PTPRG: variants seen among roughly 807,000 people sequenced by gnomAD.
The protein encoded by PTPRG is protein tyrosine phosphatase receptor type G.
In PTPRG, 102 loss-of-function variants were observed where a neutral mutation model predicts 165.3. That is an observed-to-expected ratio of 0.62 (90% CI 0.53 to 0.73). The LOEUF (loss-of-function observed/expected upper bound fraction) is 0.73, where lower values mean the gene tolerates loss of function less well. PTPRG is among the 30% of genes least tolerant of loss of function. The probability of loss-of-function intolerance (pLI) is 0.00; values close to 1 mark genes in which losing one functional copy is unlikely to be tolerated. For synonymous variants in PTPRG, 675 were observed against 669.5 expected (o/e 1.01, Z -0.13); for missense variants, 1,866 against 1,861.4 (o/e 1.00, Z -0.05).
At chr3:62,231,806 T>G (rs1700908822) in intron 14 of PTPRG, among the ~76,000 whole-genome samples, 1 of 151,840 alleles carries the variant, frequency 6.6e-6, no homozygotes, top group African/African-American at 2.4e-5. Context: ...TGTTTTTCCT[T>G]AAGAATGGTG....
chr3:61,686,288 A>G (rs1703630111), intron 1 of PTPRG, among the ~76,000 whole-genome samples: 1 of 152,192 alleles, frequency 6.6e-6, no homozygotes. Context: ...TGACAGATAG[A>G]GCTGGAGCTA....
At chr3:62,164,567 A>C (rs1271697082) in intron 7 of PTPRG, among the ~76,000 whole-genome samples, 1 of 152,192 alleles carries the variant, frequency 6.6e-6, no homozygotes, top group East Asian at 1.9e-4. Context: ...TCCAGTTGAC[A>C]ATATAATATC....
At chr3:61,955,121 A>G (rs2040001449) in intron 2 of PTPRG, among the ~76,000 whole-genome samples, 1 of 152,170 alleles carries the variant, frequency 6.6e-6, no homozygotes, top group Non-Finnish European at 1.5e-5. Context: ...AACATGATGG[A>G]TAAGAATTAC....
chr3:61,791,153 A>G (rs1443423849), intron 2 of PTPRG, among the ~76,000 whole-genome samples: 1 of 152,196 alleles, frequency 6.6e-6, no homozygotes, highest in Admixed American at 6.5e-5. Context: ...TTTTATGTAT[A>G]ATTGATCCTA....
At position 61,672,806 on chromosome 3, in the gene PTPRG, A is replaced by G. The variant is rs187033011; in HGVS notation, c.86-76072A>G. Among the ~76,000 whole-genome samples the G allele has an allele frequency of 1.8e-3, 244 of 137,802 alleles. 2 individuals are homozygous for G. Among genetic ancestry groups the G allele is most frequent in the Admixed American group, 0.015 (209 of 13,878 alleles). 90.4% of individuals were successfully genotyped at this position (137,802 alleles called of 152,430 possible). On this transcript the variant is annotated intron_variant, in intron 1 of 29. Coordinates refer to ENST00000474889, the MANE Select transcript of PTPRG (RefSeq NM_002841.4). ...GGGAGAGAGAGGGAGAGAGGGGGAG[A>G]GAGAGGGAGAGAGAGAGGGAGAGGG...
At chr3:62,172,356 A>G (rs562624125) in intron 8 of PTPRG, among the ~76,000 whole-genome samples, 1 of 152,206 alleles carries the variant, frequency 6.6e-6, no homozygotes, top group Non-Finnish European at 1.5e-5. Flanking sequence ...ATCAGTTTAC[A>G]TTCCCATCAA....
intron 1 of PTPRG, among the ~76,000 whole-genome samples, chr3:61,583,054 T>C (rs1431245827): frequency 6.6e-6 from 1 of 152,196 alleles, no homozygotes. Flanking sequence ...CATACGGTGG[T>C]TGACCATGAG....
chr3:61,734,826 AT>A (rs1471763651), intron 1 of PTPRG, among the ~76,000 whole-genome samples: 1 of 152,164 alleles, frequency 6.6e-6, no homozygotes, highest in African/African-American at 2.4e-5. Flanking sequence ...CCTGAAATTG[AT>A]TTCACCTAGC....
chr3:61,729,779 T>G (rs1211116578), intron 1 of PTPRG, among the ~76,000 whole-genome samples: 1 of 152,198 alleles, frequency 6.6e-6, no homozygotes, highest in Non-Finnish European at 1.5e-5. Flanking sequence ...TTTTCTTGTT[T>G]ATGCTTTTTA....
At chr3:61,819,957 G>A (rs758229598) in intron 2 of PTPRG, among the ~76,000 whole-genome samples, 12 of 151,954 alleles carry the variant, frequency 7.9e-5, no homozygotes, top group African/African-American at 2.2e-4. Context: ...TTTTAGGAAC[G>A]GATCATTCAT....
At chr3:61,774,167 T>C (rs1409902981) in intron 2 of PTPRG, among the ~76,000 whole-genome samples, 2 of 152,134 alleles carry the variant, frequency 1.3e-5, no homozygotes, top group African/African-American at 4.8e-5. Context: ...AAGCATGACA[T>C]TGAAGAAAGA....
chr3:61,784,326 TTAAC>T (rs534313623), intron 2 of PTPRG, among the ~76,000 whole-genome samples: 2 of 152,216 alleles, frequency 1.3e-5, no homozygotes, highest in Non-Finnish European at 2.9e-5. Flanking sequence ...CAGCCGTCAT[TTAAC>T]TAATGATTTT....
At chr3:61,894,299 G>C (rs4407404) in intron 2 of PTPRG, among the ~76,000 whole-genome samples, 4,231 of 51,648 alleles carry the variant, frequency 0.082, 307 homozygotes, top group African/African-American at 0.32. Context: ...AAGACTCTGT[G>C]TCAAAAAAAA....
At chr3:61,615,322 T>G (rs930005906) in intron 1 of PTPRG, among the ~76,000 whole-genome samples, 3 of 152,248 alleles carry the variant, frequency 2.0e-5, no homozygotes, top group African/African-American at 4.8e-5. Flanking sequence ...TTGGCCTCTA[T>G]GACCTCGATA....
At chr3:61,567,990 A>G (rs1446115444) in intron 1 of PTPRG, among the ~76,000 whole-genome samples, 2 of 143,380 alleles carry the variant, frequency 1.4e-5, no homozygotes, top group Admixed American at 7.1e-5. Flanking sequence ...AAAAAAGTTC[A>G]TTTGCCAGTC....
In PTPRG at chr3:62,229,678, TC is replaced by T. The variant is rs1559681484; in HGVS notation, c.2289-1541del. Among the ~76,000 whole-genome samples, 1 of 152,178 alleles carries T rather than the reference TC, an allele frequency of 6.6e-6. No homozygotes were observed. The highest frequency in any genetic ancestry group is 2.4e-5 in the African/African-American group (1 of 41,444). On this transcript the variant is annotated intron_variant, in intron 13 of 29. Transcript: ENST00000474889. The surrounding 1 kb of genome is among the most constrained non-coding windows in gnomAD (Gnocchi z 4.6). Reference sequence around the variant, plus strand: ...GGATTTCTCAGAATTAACTGTCTTCTCCCCCCGGGGTTAATTATGTCTGTTC... The same window carrying T: ...GGATTTCTCAGAATTAACTGTCTTCTCCCCCGGGGTTAATTATGTCTGTTC...
chr3:62,142,530 TAGAA>T (rs1703970368), intron 6 of PTPRG, among the ~76,000 whole-genome samples: 1 of 152,170 alleles, frequency 6.6e-6, no homozygotes, highest in African/African-American at 2.4e-5. Flanking sequence ...TGATTAACAT[TAGAA>T]AGGAAGAGAT....
intron 5 of PTPRG, among the ~76,000 whole-genome samples, chr3:62,106,185 G>A (rs1508398): frequency 0.71 from 107,726 of 151,926 alleles, 38,625 homozygotes; most frequent in Middle Eastern, 0.79. Context: ...AAATCTATAT[G>A]GTTTTGCCAT....
chr3:61,989,020 G>A (rs913423359), intron 2 of PTPRG, among the ~76,000 whole-genome samples: 2 of 152,102 alleles, frequency 1.3e-5, no homozygotes, highest in Non-Finnish European at 2.9e-5. Flanking sequence ...CATTTTCTAC[G>A]AGAGAGAAGG....
Sources: allele counts gnomAD v4.1 joint callset (sites outside exome capture counted in the v4.1 genomes callset), GRCh38; gene constraint gnomAD v4.1.1; non-coding constraint Gnocchi (gnomAD v3.1); transcripts MANE v1.5; gene names NCBI Gene and HGNC (gene_info 2026-07-23, HGNC 2026-07-21).